SLC4A10: variants seen among roughly 807,000 people sequenced by gnomAD.
SLC4A10 encodes solute carrier family 4 member 10.
SLC4A10 carries 42 observed loss-of-function variants against 137.7 expected under a neutral mutation model. That is an observed-to-expected ratio of 0.30 (90% CI 0.24 to 0.39). SLC4A10 has a LOEUF of 0.39. SLC4A10 is among the 10% of genes least tolerant of loss of function. The pLI is 1.00. For synonymous variants in SLC4A10, 474 were observed against 464.1 expected, an observed-to-expected ratio of 1.02 and a Z score of -0.27; for missense variants, 925 against 1,355.0, an observed-to-expected ratio of 0.68 and a Z score of 4.98.
chr2:161,629,390 A>G (rs748672310), intron 1 of SLC4A10, among the ~76,000 whole-genome samples: 70 of 150,636 alleles, frequency 4.6e-4, no homozygotes, highest in Non-Finnish European at 7.5e-4. Flanking sequence ...AATTATATGT[A>G]TATATATTTT....
At chr2:161,849,844 G>T (rs2059724227) in intron 4 of SLC4A10, among the ~76,000 whole-genome samples, 1 of 151,944 alleles carries the variant, frequency 6.6e-6, no homozygotes, top group South Asian at 2.1e-4. Context: ...TTTATCAGGG[G>T]TATTGGTCTG....
At chr2:161,954,932 T>C (rs531351221) in intron 19 of SLC4A10, among the ~76,000 whole-genome samples, 1 of 152,252 alleles carries the variant, frequency 6.6e-6, no homozygotes, top group East Asian at 1.9e-4. Context: ...TATTGAGATG[T>C]AGTGAATGTG....
At chr2:161,785,536 G>A (rs2053523932) in intron 2 of SLC4A10, among the ~76,000 whole-genome samples, 1 of 151,676 alleles carries the variant, frequency 6.6e-6, no homozygotes, top group Admixed American at 6.6e-5. Context: ...TTTATTATAG[G>A]AAGCAATGGA....
intron 1 of SLC4A10, among the ~76,000 whole-genome samples, chr2:161,661,771 A>G (rs2038431786): frequency 6.6e-6 from 1 of 152,200 alleles, no homozygotes. Flanking sequence ...CAAACTGCAT[A>G]GTTAACATTA....
At chr2:161,935,537 C>T (rs181353562) in intron 15 of SLC4A10, among the ~76,000 whole-genome samples, 1 of 152,142 alleles carries the variant, frequency 6.6e-6, no homozygotes, top group East Asian at 1.9e-4. Context: ...TTATATGTGT[C>T]CTCTACAATT....
chr2:161,787,254 T>C (rs1322425841), intron 2 of SLC4A10, among the ~76,000 whole-genome samples: 1 of 152,128 alleles, frequency 6.6e-6, no homozygotes, highest in East Asian at 1.9e-4. Context: ...GCCCCCTATC[T>C]TTTTGGCTTA....
chr2:161,899,940 C>A (rs1041686034), intron 11 of SLC4A10, among the ~76,000 whole-genome samples: 4 of 151,994 alleles, frequency 2.6e-5, no homozygotes, highest in African/African-American at 9.7e-5. Flanking sequence ...ATGTTTTAAA[C>A]CTGTATCATT....
intron 1 of SLC4A10, among the ~76,000 whole-genome samples, chr2:161,758,081 T>A (rs575701991): frequency 6.6e-6 from 1 of 152,114 alleles, no homozygotes; most frequent in Admixed American, 6.6e-5. Context: ...TCTTTTGAAA[T>A]TTGAGATATT....
At chr2:161,808,567 C>T (rs1400242920) in intron 3 of SLC4A10, among the ~76,000 whole-genome samples, 5 of 152,188 alleles carry the variant, frequency 3.3e-5, no homozygotes, top group African/African-American at 9.6e-5. Flanking sequence ...TGTTCCCCAC[C>T]CTCCTTCCCT....
intron 21 of SLC4A10, among the ~76,000 whole-genome samples, chr2:161,962,590 C>T (rs1696907124): frequency 6.6e-6 from 1 of 151,968 alleles, no homozygotes; most frequent in Admixed American, 6.6e-5. Context: ...AATGGAGAGA[C>T]ATTATTCAGG....
At chr2:161,934,754 G>A (rs977625741) in intron 15 of SLC4A10, among the ~76,000 whole-genome samples, 2 of 151,880 alleles carry the variant, frequency 1.3e-5, no homozygotes, top group South Asian at 4.2e-4. Context: ...TTTGAGAAAT[G>A]TCTATTCAGA....
At chr2:161,688,379 A>G (rs2041653646) in intron 1 of SLC4A10, among the ~76,000 whole-genome samples, 1 of 152,186 alleles carries the variant, frequency 6.6e-6, no homozygotes, top group Non-Finnish European at 1.5e-5. Context: ...GTGTAGAATA[A>G]TTAATATTTT....
At position 161,894,695 on chromosome 2, in the gene SLC4A10, C is replaced by G. The variant is rs1320143669; in HGVS notation, c.1211C>G (p.Ala404Gly). Reference protein sequence around the residue: ...LMTDEVFHDVAYKAKDRNDLV... With the variant: ...LMTDEVFHDVGYKAKDRNDLV... ...CTTCTAAAGGTATTTCATGATGTTG[C>G]CTATAAAGCTAAAGATCGTAATGAC... The change falls in exon 11 of 27, where the codon GCC (alanine) becomes GGC (glycine). Residue 404 changes from alanine (A) to glycine (G), a missense_variant. Ala to Gly is a moderately conservative substitution (Grantham distance 60, BLOSUM62 0). Coordinates refer to ENST00000446997, the MANE Select transcript of SLC4A10 (RefSeq NM_001178015.2). The G allele has an allele frequency of 5.0e-6, 7 of 1,413,368 alleles. No homozygotes were observed. The highest frequency in any genetic ancestry group is 6.5e-6 in the Non-Finnish European group (7 of 1,074,988). 87.6% of individuals were successfully genotyped at this position (1,413,368 alleles called of 1,614,324 possible).
chr2:161,633,997 T>C (rs903190744), intron 1 of SLC4A10, among the ~76,000 whole-genome samples: 2 of 151,826 alleles, frequency 1.3e-5, no homozygotes, highest in Non-Finnish European at 3.0e-5. Flanking sequence ...TTCTAAAAAC[T>C]AGAAAGTTAA....
chr2:161,628,395 A>G (rs2032869228), intron 1 of SLC4A10, among the ~76,000 whole-genome samples: 1 of 152,046 alleles, frequency 6.6e-6, no homozygotes, highest in African/African-American at 2.4e-5. Flanking sequence ...AGATAATTTG[A>G]TGATATAGGA....
intron 2 of SLC4A10, among the ~76,000 whole-genome samples, chr2:161,777,702 C>G (rs538334962): frequency 2.6e-5 from 4 of 151,890 alleles, no homozygotes; most frequent in African/African-American, 9.7e-5. Flanking sequence ...TTTACTGTCA[C>G]GAGAACAGCA....
intron 10 of SLC4A10, among the ~76,000 whole-genome samples, chr2:161,892,621 T>C (rs2063038846): frequency 6.6e-6 from 1 of 152,066 alleles, no homozygotes; most frequent in African/African-American, 2.4e-5. Context: ...AAACAAATGG[T>C]CTAAAAGTAA....
intron 2 of SLC4A10, among the ~76,000 whole-genome samples, chr2:161,794,702 G>A (rs931173609): frequency 9.2e-5 from 14 of 152,142 alleles, no homozygotes; most frequent in Non-Finnish European, 1.5e-4. Flanking sequence ...AGGCAGCGAC[G>A]TTCTAATAAT....
chr2:161,673,991 A>G (rs2040016682), intron 1 of SLC4A10, among the ~76,000 whole-genome samples: 1 of 122,064 alleles, frequency 8.2e-6, no homozygotes, highest in Non-Finnish European at 1.7e-5. Flanking sequence ...CTCCATCTCA[A>G]AACAAAACAA....
Sources: allele counts gnomAD v4.1 joint callset (sites outside exome capture counted in the v4.1 genomes callset), GRCh38; gene constraint gnomAD v4.1.1; transcripts MANE v1.5; gene names NCBI Gene and HGNC (gene_info 2026-07-23, HGNC 2026-07-21).